TBC1D16: variants seen among roughly 807,000 people sequenced by gnomAD.
The protein encoded by TBC1D16 is CTD-2529O21.1.
TBC1D16 carries 58 observed loss-of-function variants against 74.7 expected under a neutral mutation model. That is an observed-to-expected ratio of 0.78 (90% CI 0.63 to 0.97). The LOEUF (loss-of-function observed/expected upper bound fraction) is 0.97, where lower values mean the gene tolerates loss of function less well. TBC1D16 is among the 50% of genes least tolerant of loss of function. The pLI is 0.00. For missense variants in TBC1D16, 1,014 were observed against 1,079.5 expected, an observed-to-expected ratio of 0.94 and a Z score of 0.85; for synonymous variants, 493 against 474.7, an observed-to-expected ratio of 1.04 and a Z score of -0.50.
At position 79,985,408 on chromosome 17, in the gene TBC1D16, C is replaced by G. The variant is rs1466706759; in HGVS notation, c.779+24752G>C. 6.6e-6 allele frequency among the ~76,000 whole-genome samples: 1 copy of G among 152,226 alleles called. No individual in the cohort carries two copies. Among genetic ancestry groups the G allele is most frequent in the Non-Finnish European group, 1.5e-5 (1 of 68,046 alleles). ...GGGAAGGGAGTCACTATCCAGGCCA[C>G]GGCAGACACAGTTCCCCGAAACTGA... is the stretch of plus-strand genomic sequence containing the variant. On this transcript the variant is annotated intron_variant, in intron 3 of 11. Transcript: ENST00000310924. The surrounding 1 kb of genome is among the most constrained non-coding windows in gnomAD (Gnocchi z 4.9).
At chr17:79,962,469 TC>T (rs901579118) in intron 3 of TBC1D16, among the ~76,000 whole-genome samples, 2 of 151,604 alleles carry the variant, frequency 1.3e-5, no homozygotes, top group Non-Finnish European at 2.9e-5. Flanking sequence ...CCACCTTGCC[TC>T]CCAAAGTGCT....
chr17:79,991,043 C>T lies in TBC1D16; in HGVS notation c.779+19117G>A, dbSNP rs115271969. Among the ~76,000 whole-genome samples, 554 of 152,366 alleles carry T rather than the reference C, an allele frequency of 3.6e-3. 5 individuals are homozygous for T. The highest frequency in any genetic ancestry group is 0.013 in the African/African-American group (535 of 41,584). ...CCATGGGCTACTGTGGACGGTGCTG[C>T]TATGGGCAGGGGTGGTCATGTATCT... On this transcript the variant is annotated intron_variant, in intron 3 of 11. Coordinates refer to ENST00000310924, the MANE Select transcript of TBC1D16 (RefSeq NM_019020.4).
rs924529580 is a variant in TBC1D16 at position 79,986,348 on chromosome 17, A to C, written c.779+23812T>G. 6.6e-6 allele frequency among the ~76,000 whole-genome samples: 1 copy of C among 152,162 alleles called. No homozygotes were observed. The highest frequency in any genetic ancestry group is 2.1e-4 in the South Asian group (1 of 4,834). On this transcript the variant is annotated intron_variant, in intron 3 of 11. Transcript: ENST00000310924. The surrounding 1 kb of genome is among the most constrained non-coding windows in gnomAD (Gnocchi z 6.0). ...CATAAACGCAAGGTGATCTCTGAGCACCTCTTAGACAGAAGTCTGGGCAGA... is the reference window on the plus strand; with the variant it reads ...CATAAACGCAAGGTGATCTCTGAGCCCCTCTTAGACAGAAGTCTGGGCAGA...
intron 1 of TBC1D16, among the ~76,000 whole-genome samples, chr17:80,031,011 G>A (rs1447579567): frequency 6.6e-6 from 1 of 152,232 alleles, no homozygotes; most frequent in Admixed American, 6.5e-5. Context: ...TGCCCCCGCT[G>A]CAGAACGTCT....
At position 80,022,935 on chromosome 17, in the gene TBC1D16, G is replaced by A. The variant is rs934023643; in HGVS notation, c.-62-9326C>T. ...CAGGCGTGAGCCACCATGACTGGCC[G>A]GGGACATTTATTATATAAAACTTTA... On this transcript the variant is annotated intron_variant, in intron 1 of 11. Coordinates refer to ENST00000310924, the MANE Select transcript of TBC1D16 (RefSeq NM_019020.4). Among the ~76,000 whole-genome samples, 8 of 149,974 alleles carry A rather than the reference G, an allele frequency of 5.3e-5. 1 individual carries two copies. Among genetic ancestry groups the A allele is most frequent in the African/African-American group, 1.3e-4 (5 of 39,420 alleles).
chr17:80,028,814 A>G (rs28557368), intron 1 of TBC1D16, among the ~76,000 whole-genome samples: 8,648 of 151,798 alleles, frequency 0.057, 768 homozygotes, highest in African/African-American at 0.2. Context: ...GGGTTTCACC[A>G]TGTGGGCCAA....
chr17:79,962,608 T>C (rs1423805016), intron 3 of TBC1D16, among the ~76,000 whole-genome samples: 2 of 152,146 alleles, frequency 1.3e-5, no homozygotes, highest in East Asian at 3.9e-4. Context: ...ACTCTTTTCA[T>C]CTTGTAAAAC....
chr17:80,028,709 C>T (rs532878667), intron 1 of TBC1D16, among the ~76,000 whole-genome samples: 4 of 151,280 alleles, frequency 2.6e-5, no homozygotes, highest in Admixed American at 6.6e-5. Flanking sequence ...CTGCAATCTC[C>T]GCCTCCTGGG....
At position 79,975,730 on chromosome 17, in the gene TBC1D16, G is replaced by A. The variant is rs549612538; in HGVS notation, c.780-22912C>T. ...GACCCCCAGCCAGCCCAAACCTGTC[G>A]CTGGCTGCCCACTAACGCTCCCAGC... On this transcript the variant is annotated intron_variant, in intron 3 of 11. Transcript: ENST00000310924. The surrounding 1 kb of genome is among the most constrained non-coding windows in gnomAD (Gnocchi z 4.5). Among the ~76,000 whole-genome samples the A allele has an allele frequency of 3.3e-5, 5 of 152,242 alleles. No homozygotes were observed. The highest frequency in any genetic ancestry group is 1.2e-4 in the African/African-American group (5 of 41,546).
At chr17:79,999,691 C>T (rs1314152160) in intron 3 of TBC1D16, among the ~76,000 whole-genome samples, 1 of 151,674 alleles carries the variant, frequency 6.6e-6, no homozygotes, top group Non-Finnish European at 1.5e-5. Flanking sequence ...TACAGGCATC[C>T]ACCACCACGC....
intron 7 of TBC1D16, 82 bp downstream of exon 7, chr17:79,949,635 G>T: frequency 1.3e-6 from 2 of 1,511,346 alleles, no homozygotes; most frequent in Non-Finnish European, 9.0e-7. Context: ...TATCAATGCT[G>T]AATTGCACCT....
Position 79,942,054 on chromosome 17 carries a change from C to T in TBC1D16, c.2055+6G>A. 1 of 1,607,776 alleles carries T rather than the reference C, an allele frequency of 6.2e-7. No homozygotes were observed. The highest frequency in any genetic ancestry group is 1.1e-5 in the South Asian group (1 of 90,192). ...GGGGTGGGGCCCACATCTGGGGCAG[C>T]CTCACCTTCCGGAGAACGAGCTCCC... On this transcript the variant is annotated splice_donor_region_variant and intron_variant, in intron 11 of 11. Transcript: ENST00000310924.
chr17:80,013,225 G>A (rs781632326), intron 2 of TBC1D16, 142 bp downstream of exon 2: 24 of 825,828 alleles, frequency 2.9e-5, no homozygotes, highest in Admixed American at 1.9e-4. Flanking sequence ...CCCTCCTTCC[G>A]GGAGGACAGC....
rs2031404806 is a variant in TBC1D16, at chr17:79,933,719, G to A, written c.*7140C>T. ...TGCCCAGCCGGCCCCAAAGGTGTGGGGGTCCACATGGCCTCACCCAGGGGC... is the reference window on the plus strand; with the variant it reads ...TGCCCAGCCGGCCCCAAAGGTGTGGAGGTCCACATGGCCTCACCCAGGGGC... On this transcript the variant is annotated 3_prime_UTR_variant, in exon 12 of 12. Coordinates refer to ENST00000310924, the MANE Select transcript of TBC1D16 (RefSeq NM_019020.4). The A allele has an allele frequency of 6.6e-6, 1 of 152,266 alleles. No homozygotes were observed. The highest frequency in any genetic ancestry group is 2.4e-5 in the African/African-American group (1 of 41,446). 9.4% of individuals were successfully genotyped at this position (152,266 alleles called of 1,614,324 possible). A position where few individuals can be genotyped will look rare whatever the true frequency, so the allele number is the denominator to read the frequency against.
chr17:79,946,627 C>T (rs570295656), intron 9 of TBC1D16, among the ~76,000 whole-genome samples: 6 of 152,326 alleles, frequency 3.9e-5, no homozygotes, highest in Admixed American at 1.3e-4. Context: ...TTCTGAGACA[C>T]GCTCTGTGTC....
intron 10 of TBC1D16, among the ~76,000 whole-genome samples, chr17:79,943,614 G>T (rs1454520107): frequency 1.4e-5 from 2 of 138,256 alleles, no homozygotes; most frequent in African/African-American, 5.6e-5. Flanking sequence ...GGATGGGACC[G>T]ACCGTGGCTA....
chr17:79,976,125 G>A lies in TBC1D16; in HGVS notation c.780-23307C>T, dbSNP rs543369620. On this transcript the variant is annotated intron_variant, in intron 3 of 11. Transcript: ENST00000310924. ...GTCTAGGCAAACCTGGGAGCGAGAT[G>A]GAATCAAATAAGAACCAACCTATAC... Among the ~76,000 whole-genome samples the A allele has an allele frequency of 2.0e-5, 3 of 152,312 alleles. No individual in the cohort carries two copies. The South Asian group carries it at 6.2e-4, about 32-fold the overall frequency.
chr17:80,028,325 G>C (rs1056471948), intron 1 of TBC1D16, among the ~76,000 whole-genome samples: 4 of 152,090 alleles, frequency 2.6e-5, no homozygotes, highest in Admixed American at 2.6e-4. Flanking sequence ...GAAGTCGGGA[G>C]TTCATGACCA....
intron 1 of TBC1D16, among the ~76,000 whole-genome samples, chr17:80,020,349 T>A (rs1013783237): frequency 6.7e-6 from 1 of 149,632 alleles, no homozygotes; most frequent in Non-Finnish European, 1.5e-5. Flanking sequence ...TTTGGAAGAC[T>A]GAGGCGGGCG....
Sources: allele counts gnomAD v4.1 joint callset (sites outside exome capture counted in the v4.1 genomes callset), GRCh38; gene constraint gnomAD v4.1.1; non-coding constraint Gnocchi (gnomAD v3.1); transcripts MANE v1.5; gene names NCBI Gene and HGNC (gene_info 2026-07-23, HGNC 2026-07-21).